Variants in NALCN observed in about 807,000 individuals in gnomAD.
NALCN encodes the protein sodium leak channel, non-selective, also known as sodium leak channel NALCN.
A neutral mutation model predicts 225.3 loss-of-function variants in NALCN; 111 were observed. That is an observed-to-expected ratio of 0.49 (90% CI 0.42 to 0.58). NALCN has a LOEUF of 0.58. Ranked by LOEUF, NALCN falls within the 20% of genes least tolerant of loss-of-function variation. NALCN has a pLI of 0.00. For synonymous variants in NALCN, 764 were observed against 769.0 expected (o/e 0.99, Z 0.11); for missense variants, 1,378 against 2,202.4 (o/e 0.63, Z 7.49).
chr13:101,368,026 A>G (rs1360488885), intron 6 of NALCN, among the ~76,000 whole-genome samples: 1 of 151,386 alleles, frequency 6.6e-6, no homozygotes, highest in African/African-American at 2.4e-5. Flanking sequence ...ATTATACTTT[A>G]AGTTTTAGGG....
rs746833899 is a variant in NALCN, at chr13:101,065,528, G to T, written c.4480C>A (p.Leu1494Met). Residue 1494 changes from leucine (L) to methionine (M), a missense_variant, in exon 40 of 44, where the codon CTG becomes ATG. This residue lies in a region of NALCN where 94 missense variants were observed against 170.3 expected (regional missense o/e 0.55). Transcript: ENST00000251127. ...VIPTFRVKFL[L>M]RLLRGRLEVD... ...TCCAGCCTCCCACGCAGTAGCCGCA[G>T]CAGGAACTTGACGCGGAACGTGGGG... is the stretch of plus-strand genomic sequence containing the variant. 1 of 1,614,110 alleles carries T rather than the reference G, an allele frequency of 6.2e-7. No homozygotes were observed. The highest frequency in any genetic ancestry group is 8.5e-7 in the Non-Finnish European group (1 of 1,180,022).
intron 16 of NALCN, 66 bp from the exon 17 acceptor site, chr13:101,143,287 C>A: frequency 6.7e-7 from 1 of 1,481,620 alleles, no homozygotes. Context: ...CAGCATTTTG[C>A]AATGATGAGT....
chr13:101,261,170 T>C (rs532574), intron 10 of NALCN, among the ~76,000 whole-genome samples: 135,100 of 152,192 alleles, frequency 0.89, 61,973 homozygotes, highest in Non-Finnish European at 0.99. Flanking sequence ...ATGAGTTCAC[T>C]GTAGGTGTGT....
chr13:101,247,300 T>G (rs1417082025), intron 11 of NALCN, among the ~76,000 whole-genome samples: 8 of 152,136 alleles, frequency 5.3e-5, no homozygotes, highest in Admixed American at 2.6e-4. Context: ...ACAAGATATT[T>G]TATGGAATAT....
chr13:101,094,487 CTT>C (rs1456001197), intron 28 of NALCN, among the ~76,000 whole-genome samples: 1 of 151,996 alleles, frequency 6.6e-6, no homozygotes. Flanking sequence ...ACATAAATAA[CTT>C]TATGCTATAA....
chr13:101,216,743 C>T (rs1012219063), intron 13 of NALCN, among the ~76,000 whole-genome samples: 5 of 152,070 alleles, frequency 3.3e-5, no homozygotes, highest in Non-Finnish European at 7.4e-5. Flanking sequence ...TTTAATACAA[C>T]TAACTGCACG....
intron 7 of NALCN, among the ~76,000 whole-genome samples, chr13:101,313,184 A>G (rs1441819389): frequency 6.6e-6 from 1 of 152,126 alleles, no homozygotes; most frequent in East Asian, 1.9e-4. Context: ...AATTAATTCA[A>G]GATGGATTAA....
intron 43 of NALCN, 80 bp from the exon 44 acceptor site, chr13:101,055,568 C>T (rs550829898): frequency 8.0e-7 from 1 of 1,245,138 alleles, no homozygotes; most frequent in Non-Finnish European, 1.1e-6. Context: ...CATGATATTC[C>T]CATCAGTGAT....
intron 6 of NALCN, among the ~76,000 whole-genome samples, chr13:101,353,358 C>T (rs559922810): frequency 1.5e-4 from 23 of 152,254 alleles, no homozygotes; most frequent in Non-Finnish European, 2.4e-4. Context: ...TGGCTGTTAC[C>T]GCCTTCCAGC....
chr13:101,109,264 A>G (rs2035303064), intron 20 of NALCN, among the ~76,000 whole-genome samples: 1 of 152,196 alleles, frequency 6.6e-6, no homozygotes. Flanking sequence ...TGTCAACAAT[A>G]TGGTAGCCAA....
intron 18 of NALCN, chr13:101,116,547 C>G: frequency 1.9e-6 from 1 of 516,122 alleles, no homozygotes. Flanking sequence ...TCCATGTCTT[C>G]TTTCTTAATG....
chr13:101,097,898 G>A (rs1486777412), intron 27 of NALCN, among the ~76,000 whole-genome samples: 1 of 152,126 alleles, frequency 6.6e-6, no homozygotes, highest in Non-Finnish European at 1.5e-5. Context: ...TAGGTACTTC[G>A]CATAAACAAG....
chr13:101,076,965 T>A, intron 34 of NALCN, among the ~76,000 whole-genome samples: 1 of 152,186 alleles, frequency 6.6e-6, no homozygotes, highest in East Asian at 1.9e-4. Flanking sequence ...TCCCCATGTA[T>A]CCTGGGAGGG....
At chr13:101,176,411 T>G in intron 14 of NALCN, 37 bp from the exon 15 acceptor site, 1 of 1,478,352 alleles carries the variant, frequency 6.8e-7, no homozygotes, top group Non-Finnish European at 9.2e-7. Flanking sequence ...AAAACCCACA[T>G]GCCATAAGTA....
In NALCN at chr13:101,103,207, G is replaced by A. The variant is rs766421214; in HGVS notation, c.3022C>T (p.Arg1008Ter). 6.2e-6 allele frequency: 10 copies of A among 1,613,420 alleles called. No homozygotes were observed. Among genetic ancestry groups the A allele is most frequent in the Admixed American group, 1.7e-5 (1 of 59,866 alleles). The change falls in exon 26 of 44, where the codon CGA becomes TGA. Residue 1008 changes from arginine (R) to a stop codon, truncating the protein, a stop_gained. Coordinates refer to ENST00000251127, the MANE Select transcript of NALCN (RefSeq NM_052867.4). LOFTEE classifies it high-confidence loss of function. ...KLVPQMRKVV[R>*]ELFSGFKEIF... ...TCCTTGAAGCCGCTGAAAAGTTCTC[G>A]AACAACTTTCCTCATCTGGGGCACC... is the stretch of plus-strand genomic sequence containing the variant.
intron 6 of NALCN, among the ~76,000 whole-genome samples, chr13:101,349,140 G>A (rs1050367223): frequency 6.6e-6 from 1 of 152,152 alleles, no homozygotes; most frequent in Admixed American, 6.6e-5. Context: ...ATGTTTAAAC[G>A]GGTTTCAAGA....
chr13:101,258,481 T>C lies in NALCN; in HGVS notation c.1228A>G (p.Asn410Asp), dbSNP rs779451523. Reference protein sequence around the residue: ...VAASNYYKGENFRRQYDEFYL... With the variant: ...VAASNYYKGEDFRRQYDEFYL... ...AACTCGTCGTACTGCCTCCTGAAGT[T>C]TTCTCCTTTGTAGTAGTTGCTAGCC... The change falls in exon 11 of 44, where the codon AAC becomes GAC. Residue 410 changes from asparagine (N) to aspartate (D), a missense_variant. Asn to Asp is a conservative substitution (Grantham distance 23). Around this residue, in one of 19 missense-constraint regions of NALCN, gnomAD observed 144 missense variants for 187.7 expected, o/e 0.77. Transcript: ENST00000251127. 2 of 1,614,044 alleles carry C rather than the reference T, an allele frequency of 1.2e-6. No homozygotes were observed. Among genetic ancestry groups the C allele is most frequent in the Admixed American group, 1.7e-5 (1 of 60,002 alleles).
At chr13:101,252,860 T>G (rs1214235739) in intron 11 of NALCN, among the ~76,000 whole-genome samples, 1 of 151,844 alleles carries the variant, frequency 6.6e-6, no homozygotes, top group East Asian at 1.9e-4. Context: ...ATCTCTCCCA[T>G]CTGTTTGTGA....
intron 10 of NALCN, among the ~76,000 whole-genome samples, chr13:101,281,790 CA>C (rs2043176638): frequency 6.6e-6 from 1 of 151,962 alleles, no homozygotes; most frequent in South Asian, 2.1e-4. Context: ...AAAAAGCCCC[CA>C]AACTAAAAAA....
Sources: gnomAD v4.1 joint callset for allele counts (sites outside exome capture counted in the v4.1 genomes callset) on GRCh38, gnomAD v4.1.1 for gene constraint, gnomAD v4.1.1 regional missense constraint, MANE v1.5 for transcripts, NCBI Gene and HGNC (gene_info 2026-07-23, HGNC 2026-07-21) for gene names.